Variants in ANKIB1 observed in about 807,000 individuals in gnomAD.
ANKIB1 encodes ankyrin repeat and IBR domain containing 1.
In ANKIB1, 43 loss-of-function variants were observed where a neutral mutation model predicts 122.1. The ratio of observed to expected loss-of-function variants is 0.35; its 90% CI spans 0.28 to 0.45. ANKIB1 has a LOEUF of 0.45. Among genes scored for constraint, ANKIB1 ranks in the 20% least tolerant of loss-of-function variants. The pLI, the probability that ANKIB1 is intolerant of heterozygous loss-of-function variation, is 1.00. For missense variants in ANKIB1, 992 were observed against 1,329.5 expected (o/e 0.75, Z 3.95); for synonymous variants, 390 against 442.0 (o/e 0.88, Z 1.48).
At chr7:92,262,358 A>T (rs993026306) in intron 1 of ANKIB1, among the ~76,000 whole-genome samples, 1 of 152,220 alleles carries the variant, frequency 6.6e-6, no homozygotes, top group Non-Finnish European at 1.5e-5. Flanking sequence ...AGATACTGCT[A>T]CATGACTTAA....
chr7:92,397,828 C>G lies in ANKIB1; in HGVS notation c.2501C>G (p.Ala834Gly). ...HSSSLRDYTP[A>G]SRSENQDSLQ... The stretch of plus-strand genomic sequence containing the variant: ...TCTTCCCTGCGTGACTACACCCCTG[C>G]CAGTCGCTCTGAAAACCAGGACTCT... The change falls in exon 19 of 20, where the codon GCC (alanine) becomes GGC (glycine). Residue 834 changes from alanine to glycine, a missense_variant. By Grantham distance (60) the Ala-to-Gly change is moderately conservative. Around this residue, in one of 4 missense-constraint regions of ANKIB1, gnomAD observed 384 missense variants for 412.0 expected, o/e 0.93. Coordinates refer to ENST00000265742, the MANE Select transcript of ANKIB1 (RefSeq NM_019004.2). 6.2e-7 allele frequency: 1 copy of G among 1,607,206 alleles called. No homozygotes were observed. Among genetic ancestry groups the G allele is most frequent in the East Asian group, 2.3e-5 (1 of 44,370 alleles).
intron 1 of ANKIB1, among the ~76,000 whole-genome samples, chr7:92,257,617 A>AC (rs574293046): frequency 3.3e-5 from 5 of 152,182 alleles, no homozygotes; most frequent in African/African-American, 1.2e-4. Context: ...ACATGGAGAA[A>AC]CCCCGTCTCC....
At chr7:92,324,316 C>T (rs1802977170) in intron 4 of ANKIB1, among the ~76,000 whole-genome samples, 1 of 152,186 alleles carries the variant, frequency 6.6e-6, no homozygotes, top group Non-Finnish European at 1.5e-5. Flanking sequence ...TCACTGGAGC[C>T]TCCACCTCCC....
chr7:92,262,493 A>G (rs1426742803), intron 1 of ANKIB1, among the ~76,000 whole-genome samples: 1 of 152,230 alleles, frequency 6.6e-6, no homozygotes, highest in South Asian at 2.1e-4. Flanking sequence ...GAATTTGATT[A>G]TTATTAAAAT....
At chr7:92,247,932 T>A (rs771326006) in intron 1 of ANKIB1, among the ~76,000 whole-genome samples, 1 of 152,204 alleles carries the variant, frequency 6.6e-6, no homozygotes, top group Non-Finnish European at 1.5e-5. Flanking sequence ...ATTATCTGAT[T>A]TGTAACTTCT....
chr7:92,247,732 A>G (rs1366860204), intron 1 of ANKIB1, among the ~76,000 whole-genome samples: 2 of 152,242 alleles, frequency 1.3e-5, no homozygotes, highest in Non-Finnish European at 2.9e-5. Flanking sequence ...AGAGCACCAT[A>G]GGAAGCAAAC....
At chr7:92,272,006 A>G (rs1465474645) in intron 1 of ANKIB1, among the ~76,000 whole-genome samples, 1 of 152,174 alleles carries the variant, frequency 6.6e-6, no homozygotes, top group Non-Finnish European at 1.5e-5. Context: ...ATGGAATGGT[A>G]GTTACTAGGG....
In ANKIB1 at chr7:92,390,018, G is replaced by C; in HGVS notation, c.1954G>C (p.Val652Leu). 1 of 1,606,934 alleles carries C rather than the reference G, an allele frequency of 6.2e-7. No individual in the cohort carries two copies. Among genetic ancestry groups the C allele is most frequent in the East Asian group, 2.3e-5 (1 of 44,390 alleles). The change falls in exon 15 of 20, where the codon GTG becomes CTG. Residue 652 changes from valine to leucine, a missense_variant. By Grantham distance (32) the Val-to-Leu change is conservative (BLOSUM62 1). Coordinates refer to ENST00000265742, the MANE Select transcript of ANKIB1 (RefSeq NM_019004.2). Reference sequence around the variant, plus strand: ...CACTTTCATTGAAGATGCAGTTCATGTGCTCTTAAAAACTCGGCGCATTCT... The same window carrying C: ...CACTTTCATTGAAGATGCAGTTCATCTGCTCTTAAAAACTCGGCGCATTCT... ...DTTFIEDAVH[V>L]LLKTRRILKC... is the part of the protein sequence containing the mutation.
intron 9 of ANKIB1, among the ~76,000 whole-genome samples, chr7:92,360,865 T>C (rs1803927252): frequency 6.6e-6 from 1 of 152,186 alleles, no homozygotes. Context: ...ACATAACTTT[T>C]TTTTATTTTT....
intron 9 of ANKIB1, 61 bp downstream of exon 9, chr7:92,352,703 C>A (rs1803693300): frequency 6.6e-7 from 1 of 1,508,050 alleles, no homozygotes; most frequent in South Asian, 1.3e-5. Context: ...TTATTAAAGA[C>A]TTTGCACCTT....
rs768310320 is a variant in ANKIB1, at chr7:92,327,815, T to C, written c.702T>C (p.Arg234=). The C allele has an allele frequency of 1.3e-6, 2 of 1,586,338 alleles. No individual in the cohort carries two copies. The highest frequency in any genetic ancestry group is 1.2e-5 in the South Asian group (1 of 84,662). Reference sequence around the variant, plus strand: ...AAGGATTAAGGCCTCAGGATCTTCGTAGACTAAAAGATATGCTTATTGTGG... The same window carrying C: ...AAGGATTAAGGCCTCAGGATCTTCGCAGACTAAAAGATATGCTTATTGTGG... The part of the protein sequence containing the change: ...PYEGLRPQDL[R]RLKDMLIVET... The change falls in exon 5 of 20, where the codon CGT becomes CGC. Residue 234 remains arginine, a synonymous_variant. Transcript: ENST00000265742.
At chr7:92,365,365 A>G (rs1804048218) in intron 10 of ANKIB1, among the ~76,000 whole-genome samples, 1 of 152,264 alleles carries the variant, frequency 6.6e-6, no homozygotes, top group Non-Finnish European at 1.5e-5. Flanking sequence ...TGTCCTTCAC[A>G]TGAACCAGAA....
At chr7:92,331,944 A>C (rs1803182346) in intron 5 of ANKIB1, among the ~76,000 whole-genome samples, 1 of 152,246 alleles carries the variant, frequency 6.6e-6, no homozygotes, top group Non-Finnish European at 1.5e-5. Flanking sequence ...ACCATAATTA[A>C]AAGAAACATT....
At chr7:92,343,310 A>T (rs1314825412) in intron 6 of ANKIB1, 78 bp downstream of exon 6, 1 of 1,316,626 alleles carries the variant, frequency 7.6e-7, no homozygotes, top group Non-Finnish European at 1.1e-6. Context: ...ATATTGTTCC[A>T]TGGAGTGTCT....
chr7:92,275,430 C>T (rs1801881562), intron 1 of ANKIB1, among the ~76,000 whole-genome samples: 1 of 152,088 alleles, frequency 6.6e-6, no homozygotes, highest in Non-Finnish European at 1.5e-5. Flanking sequence ...CTGCCCATCA[C>T]CAACTCAGGA....
rs190221313 is a variant in ANKIB1, at chr7:92,361,221, T to C, written c.1398-964T>C. Among the ~76,000 whole-genome samples the C allele has an allele frequency of 1.8e-4, 27 of 152,358 alleles. No homozygotes were observed. The East Asian group carries it at 5.2e-3, about 29-fold the overall frequency. On this transcript the variant is annotated intron_variant, in intron 9 of 19. Coordinates refer to ENST00000265742, the MANE Select transcript of ANKIB1 (RefSeq NM_019004.2). Reference sequence around the variant, plus strand: ...CAAGGCTTTAGGCTCGTTTTAGTGTTTGACTTCTTAAATAGCTATGGAAAG... The same window carrying C: ...CAAGGCTTTAGGCTCGTTTTAGTGTCTGACTTCTTAAATAGCTATGGAAAG...
At chr7:92,268,819 A>G (rs563877205) in intron 1 of ANKIB1, among the ~76,000 whole-genome samples, 7 of 152,212 alleles carry the variant, frequency 4.6e-5, no homozygotes, top group South Asian at 2.1e-4. Flanking sequence ...CACTACCACA[A>G]TGGACTAGGT....
intron 2 of ANKIB1, among the ~76,000 whole-genome samples, chr7:92,300,660 C>G (rs1312956380): frequency 3.3e-5 from 5 of 151,994 alleles, no homozygotes; most frequent in African/African-American, 1.2e-4. Flanking sequence ...TTATGACAGT[C>G]AAGCTACTTA....
intron 1 of ANKIB1, among the ~76,000 whole-genome samples, chr7:92,287,451 A>AT (rs1329773539): frequency 6.6e-6 from 1 of 152,128 alleles, no homozygotes; most frequent in Non-Finnish European, 1.5e-5. Flanking sequence ...GTTGATATAA[A>AT]TTTTTTCACA....
Sources: allele counts gnomAD v4.1 joint callset (sites outside exome capture counted in the v4.1 genomes callset), GRCh38; gene constraint gnomAD v4.1.1; regional missense constraint gnomAD v4.1.1; transcripts MANE v1.5; gene names NCBI Gene and HGNC (gene_info 2026-07-23, HGNC 2026-07-21).